ANAPC1: variants seen among roughly 807,000 people sequenced by gnomAD.
ANAPC1 encodes anaphase-promoting complex subunit 1.
Under a neutral mutation model 208.0 loss-of-function variants are expected in ANAPC1, and 36 were observed. The ratio of observed to expected loss-of-function variants is 0.17; its 90% CI spans 0.13 to 0.23. The LOEUF is 0.23. Ranked by LOEUF, ANAPC1 falls within the 10% of genes least tolerant of loss-of-function variation. ANAPC1 has a pLI of 1.00. For missense variants in ANAPC1, 942 were observed against 2,011.6 expected, an observed-to-expected ratio of 0.47 and a Z score of 10.17; for synonymous variants, 378 against 695.2, an observed-to-expected ratio of 0.54 and a Z score of 7.18.
intron 38 of ANAPC1, among the ~76,000 whole-genome samples, chr2:111,791,541 T>C (rs572647746): frequency 2.6e-5 from 4 of 152,330 alleles, no homozygotes; most frequent in Middle Eastern, 3.4e-3. Flanking sequence ...ATCAATAAAA[T>C]GTGGTAGTCA....
chr2:111,773,130 A>G (rs915353032), intron 46 of ANAPC1, among the ~76,000 whole-genome samples: 10 of 152,394 alleles, frequency 6.6e-5, no homozygotes, highest in Admixed American at 2.0e-4. Flanking sequence ...CATTTTTTCA[A>G]TAAGAGACAT....
At position 111,824,895 on chromosome 2, in the gene ANAPC1, C is replaced by T; in HGVS notation, c.2812+71G>A. Reference sequence around the variant, plus strand: ...TTCACAAAGCCAGAGCCCCTCTCTCCTCATGCCTTCCACTTCTAGCTAGTC... The same window carrying T: ...TTCACAAAGCCAGAGCCCCTCTCTCTTCATGCCTTCCACTTCTAGCTAGTC... On this transcript the variant is annotated intron_variant, in intron 24 of 47. Coordinates refer to ENST00000341068, the MANE Select transcript of ANAPC1 (RefSeq NM_022662.4). The T allele has an allele frequency of 1.9e-6, 3 of 1,558,770 alleles. No individual in the cohort carries two copies. In the South Asian group the frequency reaches 3.3e-5, roughly 17 times the overall value.
chr2:111,794,351 A>T lies in ANAPC1; in HGVS notation c.4374-28T>A. On this transcript the variant is annotated intron_variant, in intron 35 of 47. Transcript: ENST00000341068. The stretch of plus-strand genomic sequence containing the variant: ...GAAAACAGGTGACAAGAAATTTAAT[A>T]ATCATTATTTTACTTTAAAATTAAC... 4.4e-6 allele frequency: 6 copies of T among 1,376,274 alleles called. No individual in the cohort carries two copies. The East Asian group carries it at 1.4e-4, about 32-fold the overall frequency. 85.3% of individuals were successfully genotyped at this position (1,376,274 alleles called of 1,614,324 possible). A position where few individuals can be genotyped will look rare whatever the true frequency, so the allele number is the denominator to read the frequency against.
Position 111,878,264 on chromosome 2 carries a change from T to A in ANAPC1, c.375+546A>T, listed in dbSNP as rs1323421671. Among the ~76,000 whole-genome samples, 4 of 152,378 alleles carry A rather than the reference T, an allele frequency of 2.6e-5. No homozygotes were observed. The South Asian group carries it at 6.2e-4, about 24-fold the overall frequency. ...TTCCTTTTACACTTATTAGCTAGCA[T>A]TCTTCTCTAAGTACAAGTTTTCCTT... is the stretch of plus-strand genomic sequence containing the variant. On this transcript the variant is annotated intron_variant, in intron 3 of 47. Coordinates refer to ENST00000341068, the MANE Select transcript of ANAPC1 (RefSeq NM_022662.4).
intron 17 of ANAPC1, among the ~76,000 whole-genome samples, chr2:111,840,350 A>G (rs1464090959): frequency 2.0e-5 from 3 of 152,268 alleles, no homozygotes; most frequent in African/African-American, 7.2e-5. Context: ...AGCTTTGACT[A>G]TGAGGACAAA....
At chr2:111,828,402 G>C (rs958526326) in intron 21 of ANAPC1, among the ~76,000 whole-genome samples, 15 of 152,032 alleles carry the variant, frequency 9.9e-5, no homozygotes, top group Admixed American at 9.8e-4. Flanking sequence ...GTTAAACATC[G>C]AACTACCTAC....
At chr2:111,843,987 C>G (rs900591629) in intron 16 of ANAPC1, among the ~76,000 whole-genome samples, 1 of 151,840 alleles carries the variant, frequency 6.6e-6, no homozygotes, top group Non-Finnish European at 1.5e-5. Context: ...CTGCCCCAGG[C>G]TAATTTTTGT....
intron 7 of ANAPC1, among the ~76,000 whole-genome samples, chr2:111,867,069 T>C (rs978538441): frequency 3.5e-4 from 53 of 151,998 alleles, no homozygotes; most frequent in African/African-American, 1.2e-3. Context: ...GGTGGGTGGA[T>C]CACCTGAGGT....
chr2:111,846,606 A>G (rs74182847), intron 16 of ANAPC1, among the ~76,000 whole-genome samples: 24,897 of 116,720 alleles, frequency 0.21, 2,627 homozygotes, highest in Middle Eastern at 0.46. Flanking sequence ...GTCTCACTCT[A>G]TCACCTAGGC....
chr2:111,836,339 T>G, intron 18 of ANAPC1, among the ~76,000 whole-genome samples: 1 of 151,424 alleles, frequency 6.6e-6, no homozygotes, highest in African/African-American at 2.4e-5. Context: ...AATTTTAATT[T>G]AAAAGAAATT....
intron 34 of ANAPC1, among the ~76,000 whole-genome samples, chr2:111,800,329 G>C (rs1385070169): frequency 7.3e-6 from 1 of 136,790 alleles, no homozygotes. Context: ...TACAATATTC[G>C]GTTTTCAGTT....
At chr2:111,864,068 T>C (rs1231282932) in intron 8 of ANAPC1, among the ~76,000 whole-genome samples, 173 bp from the exon 9 acceptor site, 1 of 152,164 alleles carries the variant, frequency 6.6e-6, no homozygotes, top group Non-Finnish European at 1.5e-5. Flanking sequence ...GGCTTACATC[T>C]ATAATCCCAG....
At chr2:111,872,877 G>A in intron 5 of ANAPC1, 165 bp from the exon 6 acceptor site, 2 of 595,350 alleles carry the variant, frequency 3.4e-6, no homozygotes, top group South Asian at 2.2e-5. Flanking sequence ...ATACAAATAA[G>A]CAACTCTAAG....
At chr2:111,867,463 G>A (rs1443305025) in intron 7 of ANAPC1, among the ~76,000 whole-genome samples, 5 of 151,960 alleles carry the variant, frequency 3.3e-5, no homozygotes, top group African/African-American at 9.7e-5. Context: ...GGCCGAGGTG[G>A]GTGGATCACC....
chr2:111,802,247 T>C (rs1022629277), intron 33 of ANAPC1, among the ~76,000 whole-genome samples, 181 bp downstream of exon 33: 3 of 152,254 alleles, frequency 2.0e-5, no homozygotes, highest in Non-Finnish European at 4.4e-5. Flanking sequence ...ATTCATTCAT[T>C]CATGGAGAAC....
At chr2:111,840,795 C>G (rs1317406618) in intron 17 of ANAPC1, among the ~76,000 whole-genome samples, 1 of 152,204 alleles carries the variant, frequency 6.6e-6, no homozygotes, top group African/African-American at 2.4e-5. Context: ...GTAATCCTAG[C>G]ACTTTGGGAG....
intron 3 of ANAPC1, among the ~76,000 whole-genome samples, chr2:111,877,933 T>C (rs144819521): frequency 0.022 from 3,301 of 152,326 alleles, 111 homozygotes; most frequent in African/African-American, 0.074. Context: ...AATATTCATA[T>C]TTTTGGGAAG....
At chr2:111,794,386 G>A in intron 35 of ANAPC1, 63 bp from the exon 36 acceptor site, 1 of 1,004,454 alleles carries the variant, frequency 1.0e-6, no homozygotes, top group South Asian at 1.5e-5. Context: ...CTTGAAATAA[G>A]TAACAATAAA....
intron 33 of ANAPC1, among the ~76,000 whole-genome samples, chr2:111,801,119 G>A (rs1678420465): frequency 6.6e-6 from 1 of 152,104 alleles, no homozygotes; most frequent in Non-Finnish European, 1.5e-5. Context: ...CACTTTGGGA[G>A]ACCAAGGCGG....
Sources: allele counts gnomAD v4.1 joint callset (sites outside exome capture counted in the v4.1 genomes callset), GRCh38; gene constraint gnomAD v4.1.1; transcripts MANE v1.5; gene names NCBI Gene and HGNC (gene_info 2026-07-23, HGNC 2026-07-21).